The following SEC22B variants were observed in gnomAD, a reference collection of about 807,000 sequenced individuals.
SEC22B encodes vesicle-trafficking protein SEC22b.
Under a neutral mutation model 31.4 loss-of-function variants are expected in SEC22B, and 10 were observed. The ratio of observed to expected loss-of-function variants is 0.32; its 90% CI spans 0.20 to 0.54. SEC22B has a LOEUF of 0.54. Ranked by LOEUF, SEC22B falls within the 20% of genes least tolerant of loss-of-function variation. SEC22B has a pLI of 0.94. For synonymous variants in SEC22B, 60 were observed against 95.9 expected, an observed-to-expected ratio of 0.63 and a Z score of 2.19; for missense variants, 130 against 263.4, an observed-to-expected ratio of 0.49 and a Z score of 3.50.
In SEC22B at chr1:120,150,977, G is replaced by A. The variant is rs1291809348; in HGVS notation, c.*6061C>T. On this transcript the variant is annotated 3_prime_UTR_variant, in exon 5 of 5. Transcript: ENST00000578049. The stretch of plus-strand genomic sequence containing the variant: ...TCTCTTGGGAACTAACCATTCCCAG[G>A]AGAACCCAGTCTCAGTGTCAAGAGA... 49 of 152,262 alleles carry A rather than the reference G, an allele frequency of 3.2e-4. No homozygotes were observed. The highest frequency in any genetic ancestry group is 1.2e-3 in the African/African-American group (48 of 41,552). 9.4% of individuals were successfully genotyped at this position (152,262 alleles called of 1,614,324 possible). A position where few individuals can be genotyped will look rare whatever the true frequency, so the allele number is the denominator to read the frequency against.
intron 2 of SEC22B, among the ~76,000 whole-genome samples, chr1:120,168,444 C>T (rs1446121040): frequency 6.6e-6 from 1 of 152,044 alleles, no homozygotes; most frequent in Non-Finnish European, 1.5e-5. Flanking sequence ...CCCTCACAAT[C>T]CTCTCAAACC....
At chr1:120,167,829 T>C (rs1342560038) in intron 2 of SEC22B, among the ~76,000 whole-genome samples, 12 of 152,272 alleles carry the variant, frequency 7.9e-5, no homozygotes, top group African/African-American at 2.4e-4. Flanking sequence ...CCATGAGAAC[T>C]TTCCTAGGTC....
intron 2 of SEC22B, among the ~76,000 whole-genome samples, chr1:120,163,945 C>CTCTCTTTTTTTTT (rs1246293032): frequency 1.5e-5 from 1 of 68,918 alleles, no homozygotes; most frequent in Admixed American, 1.6e-4. Flanking sequence ...ATTAGATTCT[C>CTCTCTTTTTTTTT]TTTTTTTTTT....
chr1:120,176,216 A>G (rs1400826505), intron 1 of SEC22B, 91 bp downstream of exon 1: 1 of 1,270,864 alleles, frequency 7.9e-7, no homozygotes, highest in Non-Finnish European at 1.1e-6. Context: ...GGAAGTCACA[A>G]AGGTCTCCCG....
intron 2 of SEC22B, among the ~76,000 whole-genome samples, chr1:120,166,023 A>G (rs1657801539): frequency 6.6e-6 from 1 of 151,264 alleles, no homozygotes; most frequent in African/African-American, 2.5e-5. Flanking sequence ...CGAATGGCCA[A>G]GTATATGAAA....
At chr1:120,163,662 G>A (rs1252811026) in intron 2 of SEC22B, among the ~76,000 whole-genome samples, 2,069 of 150,022 alleles carry the variant, frequency 0.014, 32 homozygotes, top group African/African-American at 0.047. Flanking sequence ...TGCAACCTCC[G>A]CCTCCCGGGT....
intron 1 of SEC22B, among the ~76,000 whole-genome samples, chr1:120,173,057 A>G (rs1236928323): frequency 6.7e-6 from 1 of 148,612 alleles, no homozygotes; most frequent in East Asian, 2.0e-4. Flanking sequence ...AGTGGGTATC[A>G]ATACCCACTG....
intron 2 of SEC22B, among the ~76,000 whole-genome samples, chr1:120,163,656 A>AG (rs1390420692): frequency 1.3e-5 from 2 of 150,832 alleles, no homozygotes; most frequent in African/African-American, 4.9e-5. Flanking sequence ...GCTCACTGCA[A>AG]CCTCCGCCTC....
intron 2 of SEC22B, among the ~76,000 whole-genome samples, chr1:120,166,420 C>T (rs1296820627): frequency 1.3e-5 from 2 of 149,672 alleles, no homozygotes; most frequent in African/African-American, 5.0e-5. Flanking sequence ...CACACACACA[C>T]ACACACACAC....
intron 2 of SEC22B, among the ~76,000 whole-genome samples, chr1:120,163,668 C>T (rs1489764784): frequency 9.9e-5 from 15 of 151,604 alleles, no homozygotes; most frequent in Non-Finnish European, 1.8e-4. Flanking sequence ...CTCCGCCTCC[C>T]GGGTTCAAGC....
intron 1 of SEC22B, among the ~76,000 whole-genome samples, chr1:120,170,193 A>G (rs1657872620): frequency 7.1e-6 from 1 of 140,970 alleles, no homozygotes; most frequent in Non-Finnish European, 1.5e-5. Context: ...AGACTAGGAC[A>G]CTGCCATGTG....
chr1:120,169,564 G>A (rs1281504473), intron 1 of SEC22B, among the ~76,000 whole-genome samples: 1 of 151,958 alleles, frequency 6.6e-6, no homozygotes, highest in South Asian at 2.1e-4. Context: ...AATATCGAGG[G>A]ATATATGCAG....
intron 2 of SEC22B, among the ~76,000 whole-genome samples, chr1:120,167,763 A>T (rs1657835097): frequency 1.3e-5 from 2 of 152,130 alleles, no homozygotes; most frequent in African/African-American, 4.8e-5. Context: ...ATAAAGGATG[A>T]TATGAGATTA....
At chr1:120,167,390 T>C (rs1657829408) in intron 2 of SEC22B, among the ~76,000 whole-genome samples, 1 of 151,734 alleles carries the variant, frequency 6.6e-6, no homozygotes, top group Non-Finnish European at 1.5e-5. Flanking sequence ...CTTCTGCTTA[T>C]ATTGTTTTTT....
intron 2 of SEC22B, among the ~76,000 whole-genome samples, chr1:120,165,562 G>A (rs1251701663): frequency 2.0e-5 from 3 of 151,940 alleles, no homozygotes; most frequent in Non-Finnish European, 2.9e-5. Context: ...TATTCAGAAG[G>A]CCAATGTATA....
At chr1:120,165,116 T>C (rs1657786155) in intron 2 of SEC22B, among the ~76,000 whole-genome samples, 1 of 152,226 alleles carries the variant, frequency 6.6e-6, no homozygotes. Flanking sequence ...GCTTAATACT[T>C]AAGACTTTTT....
chr1:120,166,256 T>C (rs1657805297), intron 2 of SEC22B, among the ~76,000 whole-genome samples: 1 of 145,250 alleles, frequency 6.9e-6, no homozygotes, highest in Non-Finnish European at 1.5e-5. Context: ...CTGCTGGGTA[T>C]TTCTCCAAAG....
At position 120,176,468 on chromosome 1, in the gene SEC22B, A is replaced by G. The variant is rs1362097754; in HGVS notation, c.-87T>C. The G allele has an allele frequency of 1.0e-5, 12 of 1,181,254 alleles. No individual in the cohort carries two copies. Among genetic ancestry groups the G allele is most frequent in the Middle Eastern group, 1.9e-4 (1 of 5,238 alleles). 73.2% of individuals were successfully genotyped at this position (1,181,254 alleles called of 1,614,324 possible). On this transcript the variant is annotated 5_prime_UTR_variant, in exon 1 of 5. Coordinates refer to ENST00000578049, the MANE Select transcript of SEC22B (RefSeq NM_004892.6). ...TCCGCCGCGACAACAGTTATACCCT[A>G]TGTCTCAGTTACCGGAGATCCAGCT...
At chr1:120,169,306 G>A (rs1657858622) in intron 1 of SEC22B, among the ~76,000 whole-genome samples, 2 of 152,184 alleles carry the variant, frequency 1.3e-5, no homozygotes, top group African/African-American at 2.4e-5. Flanking sequence ...ATACTCAGGG[G>A]AATATCCTAG....
Sources: allele counts gnomAD v4.1 joint callset (sites outside exome capture counted in the v4.1 genomes callset), GRCh38; gene constraint gnomAD v4.1.1; transcripts MANE v1.5; gene names NCBI Gene and HGNC (gene_info 2026-07-23, HGNC 2026-07-21).